Variants in FBLN5 observed in about 807,000 individuals in gnomAD.
The protein encoded by FBLN5 is fibulin-5.
A neutral mutation model predicts 61.6 loss-of-function variants in FBLN5; 24 were observed. The observed-to-expected ratio is 0.39, with a 90% CI of 0.28 to 0.55. The LOEUF (loss-of-function observed/expected upper bound fraction) is 0.55. Ranked by LOEUF, FBLN5 falls within the 20% of genes least tolerant of loss-of-function variation. The pLI is 0.65. For synonymous variants in FBLN5, 213 were observed against 219.8 expected (o/e 0.97, Z 0.27); for missense variants, 470 against 594.1 (o/e 0.79, Z 2.17).
At chr14:91,939,493 C>T (rs2056073307) in intron 3 of FBLN5, among the ~76,000 whole-genome samples, 1 of 152,072 alleles carries the variant, frequency 6.6e-6, no homozygotes, top group Admixed American at 6.6e-5. Context: ...GCACATGCCA[C>T]TACTCCTGGC....
At chr14:91,916,989 A>G (rs1482448950) in intron 4 of FBLN5, among the ~76,000 whole-genome samples, 1 of 152,154 alleles carries the variant, frequency 6.6e-6, no homozygotes, top group Non-Finnish European at 1.5e-5. Context: ...GTTGCTAGTC[A>G]TTGTGACGAA....
chr14:91,885,818 T>C (rs1430293948), intron 7 of FBLN5, among the ~76,000 whole-genome samples: 2 of 152,350 alleles, frequency 1.3e-5, no homozygotes, highest in South Asian at 2.1e-4. Context: ...CCACATAATG[T>C]TGGATTTTCC....
At chr14:91,930,515 C>T (rs983881737) in intron 4 of FBLN5, among the ~76,000 whole-genome samples, 2 of 152,208 alleles carry the variant, frequency 1.3e-5, no homozygotes, top group South Asian at 2.1e-4. Context: ...GCTAAAGAAT[C>T]GGTTTCATGG....
In FBLN5 at chr14:91,937,131, C is replaced by G. The variant is rs774561389; in HGVS notation, c.195G>C (p.Gly65=). ...GDMMCVNQNG[G]YLCIPRTNPV... ...GGTTTGTCCGGGGAATGCATAAATA[C>G]CCGCCATTTTGGTTAACACACATCA... Residue 65 remains glycine (G), a synonymous_variant, in exon 4 of 11, where the codon GGG becomes GGC. Coordinates refer to ENST00000342058, the MANE Select transcript of FBLN5 (RefSeq NM_006329.4). 21 of 1,613,948 alleles carry G rather than the reference C, an allele frequency of 1.3e-5. No homozygotes were observed. Among genetic ancestry groups the G allele is most frequent in the Non-Finnish European group, 1.8e-5 (21 of 1,180,020 alleles).
intron 7 of FBLN5, among the ~76,000 whole-genome samples, chr14:91,886,681 G>T (rs1411894842): frequency 1.3e-5 from 2 of 152,068 alleles, no homozygotes; most frequent in African/African-American, 4.8e-5. Context: ...TTCCCTGGGT[G>T]CCAGGCCTGG....
At chr14:91,886,784 C>T (rs891879360) in intron 7 of FBLN5, among the ~76,000 whole-genome samples, 1 of 152,152 alleles carries the variant, frequency 6.6e-6, no homozygotes, top group Non-Finnish European at 1.5e-5. Context: ...TCCCCCCAAC[C>T]CTACCCGATA....
intron 4 of FBLN5, among the ~76,000 whole-genome samples, chr14:91,924,347 T>C (rs2055789845): frequency 6.6e-6 from 1 of 152,228 alleles, no homozygotes; most frequent in African/African-American, 2.4e-5. Context: ...AATTCACTCA[T>C]GTAGCTTTTC....
chr14:91,877,708 A>T, intron 9 of FBLN5, 26 bp from the exon 10 acceptor site: 1 of 1,597,154 alleles, frequency 6.3e-7, no homozygotes, highest in Non-Finnish European at 8.6e-7. Context: ...TCACGTGAGA[A>T]CTCAAGAAAT....
Position 91,887,292 on chromosome 14 carries a change from C to T in FBLN5, c.640G>A (p.Glu214Lys), listed in dbSNP as rs766033326. 9 of 1,613,246 alleles carry T rather than the reference C, an allele frequency of 5.6e-6. No individual in the cohort carries two copies. Among genetic ancestry groups the T allele is most frequent in the African/African-American group, 2.7e-5 (2 of 74,830 alleles). ...SCQDVNECAT[E>K]NPCVQTCVNT... is the part of the protein sequence containing the mutation. ...ACGCAGGTTTGCACGCAGGGGTTCT[C>T]GGTGGCACACTCGTTCACATCTGTG... The change falls in exon 7 of 11, where the codon GAG becomes AAG. Residue 214 changes from glutamate (E) to lysine (K), a missense_variant. Transcript: ENST00000342058.
At chr14:91,884,550 T>A (rs1193494148) in intron 7 of FBLN5, among the ~76,000 whole-genome samples, 1 of 152,234 alleles carries the variant, frequency 6.6e-6, no homozygotes, top group East Asian at 1.9e-4. Flanking sequence ...ACTCTCCATA[T>A]TTTACAGAAG....
chr14:91,878,764 C>T (rs769077112), intron 9 of FBLN5, among the ~76,000 whole-genome samples: 1 of 152,214 alleles, frequency 6.6e-6, no homozygotes, highest in Non-Finnish European at 1.5e-5. Context: ...GGCCTTTGGA[C>T]TCCTCCATCT....
intron 4 of FBLN5, among the ~76,000 whole-genome samples, chr14:91,897,878 G>C (rs1016886332): frequency 1.3e-5 from 2 of 152,086 alleles, no homozygotes; most frequent in African/African-American, 4.8e-5. Context: ...GCAAAACCCT[G>C]TTTCTACTAA....
chr14:91,894,932 C>T lies in FBLN5; in HGVS notation c.502+18G>A. On this transcript the variant is annotated intron_variant, in intron 5 of 10. Coordinates refer to ENST00000342058, the MANE Select transcript of FBLN5 (RefSeq NM_006329.4). The stretch of plus-strand genomic sequence containing the variant: ...TTAACTTCCAAGAGTCCCTGTGACC[C>T]CCCCAGAGAGCTGTTACCTAAGCAC... The T allele has an allele frequency of 1.2e-6, 2 of 1,612,934 alleles. No homozygotes were observed. The highest frequency in any genetic ancestry group is 1.7e-6 in the Non-Finnish European group (2 of 1,179,300).
At chr14:91,923,792 T>A (rs2055780958) in intron 4 of FBLN5, among the ~76,000 whole-genome samples, 1 of 152,120 alleles carries the variant, frequency 6.6e-6, no homozygotes, top group African/African-American at 2.4e-5. Context: ...ATCTCGTTCA[T>A]CCTTAGACCC....
intron 4 of FBLN5, among the ~76,000 whole-genome samples, chr14:91,917,303 G>T (rs1359760287): frequency 6.6e-6 from 1 of 152,194 alleles, no homozygotes; most frequent in African/African-American, 2.4e-5. Flanking sequence ...ATTAGGCTGG[G>T]TGTGGTGGCT....
chr14:91,877,595 G>A lies in FBLN5; in HGVS notation c.1077C>T (p.Arg359=), dbSNP rs1889230603. The A allele has an allele frequency of 6.2e-7, 1 of 1,613,840 alleles. No homozygotes were observed. The highest frequency in any genetic ancestry group is 1.7e-5 in the Admixed American group (1 of 60,004). The stretch of plus-strand genomic sequence containing the variant: ...TTTGGAAGATGTCAGCGGGAACGGA[G>A]CGTCCTGACACCACGTCCATGTCCC... The part of the protein sequence containing the change: ...LYRDMDVVSG[R]SVPADIFQMQ... Residue 359 remains arginine, a synonymous_variant, in exon 10 of 11, where the codon CGC becomes CGT. Coordinates refer to ENST00000342058, the MANE Select transcript of FBLN5 (RefSeq NM_006329.4).
chr14:91,942,806 C>T, intron 2 of FBLN5, 101 bp downstream of exon 2: 2 of 761,152 alleles, frequency 2.6e-6, no homozygotes, highest in African/African-American at 1.7e-5. Flanking sequence ...TGTAAAGCCA[C>T]TCCCACCCCC....
At chr14:91,877,235 G>A (rs1188671748) in intron 10 of FBLN5, among the ~76,000 whole-genome samples, 4 of 152,166 alleles carry the variant, frequency 2.6e-5, no homozygotes, top group Non-Finnish European at 4.4e-5. Flanking sequence ...GGAGAAAAGA[G>A]ACCTAAGATT....
intron 4 of FBLN5, among the ~76,000 whole-genome samples, chr14:91,906,166 C>T (rs1026576535): frequency 6.6e-6 from 1 of 152,226 alleles, no homozygotes; most frequent in Non-Finnish European, 1.5e-5. Flanking sequence ...GGATTATAGG[C>T]ATGACCATGC....
Sources: gnomAD v4.1 joint callset for allele counts (sites outside exome capture counted in the v4.1 genomes callset) on GRCh38, gnomAD v4.1.1 for gene constraint, MANE v1.5 for transcripts, NCBI Gene and HGNC (gene_info 2026-07-23, HGNC 2026-07-21) for gene names.